Variants in SLC16A10 observed in about 807,000 individuals in gnomAD.
SLC16A10 encodes the protein solute carrier family 16 member 10, also known as monocarboxylate transporter 10.
A neutral mutation model predicts 40.0 loss-of-function variants in SLC16A10; 27 were observed. The observed-to-expected ratio is 0.67, with a 90% CI of 0.50 to 0.93. SLC16A10 has a LOEUF of 0.93. SLC16A10 is among the 40% of genes least tolerant of loss of function. The probability of loss-of-function intolerance (pLI) is 0.00; values close to 1 mark genes in which losing one functional copy is unlikely to be tolerated. For missense variants in SLC16A10, 529 were observed against 658.2 expected, an observed-to-expected ratio of 0.80 and a Z score of 2.15; for synonymous variants, 213 against 249.8, an observed-to-expected ratio of 0.85 and a Z score of 1.39.
intron 4 of SLC16A10, among the ~76,000 whole-genome samples, chr6:111,217,147 C>A (rs962602263): frequency 6.6e-6 from 1 of 152,254 alleles, no homozygotes; most frequent in Non-Finnish European, 1.5e-5. Flanking sequence ...CTGTTCACAG[C>A]CTGCTGCTGC....
intron 1 of SLC16A10, among the ~76,000 whole-genome samples, chr6:111,093,165 G>T (rs1771014234): frequency 6.6e-6 from 1 of 152,124 alleles, no homozygotes; most frequent in Admixed American, 6.5e-5. Context: ...TTTTGAGATT[G>T]TGCCATTTCA....
intron 1 of SLC16A10, among the ~76,000 whole-genome samples, chr6:111,159,850 G>A (rs2114525715): frequency 6.6e-6 from 1 of 152,204 alleles, no homozygotes; most frequent in Non-Finnish European, 1.5e-5. Context: ...GATGTGTGTG[G>A]TTTTTCATTG....
intron 1 of SLC16A10, among the ~76,000 whole-genome samples, chr6:111,092,851 CCA>C (rs1269105258): frequency 6.6e-6 from 1 of 151,104 alleles, no homozygotes; most frequent in Admixed American, 6.6e-5. Flanking sequence ...ACCAGCCTGG[CCA>C]AGATGGTGAA....
intron 1 of SLC16A10, among the ~76,000 whole-genome samples, chr6:111,149,608 A>C (rs1772138195): frequency 6.6e-6 from 1 of 152,244 alleles, no homozygotes; most frequent in African/African-American, 2.4e-5. Context: ...TATAATAAAG[A>C]GTAGCATTCC....
intron 1 of SLC16A10, among the ~76,000 whole-genome samples, chr6:111,100,959 C>CCTCT (rs71021825): frequency 6.1e-5 from 5 of 81,488 alleles, no homozygotes; most frequent in African/African-American, 9.5e-5. Context: ...TCTTTCTCTC[C>CCTCT]CTCTCTCTCT....
intron 4 of SLC16A10, among the ~76,000 whole-genome samples, chr6:111,209,883 T>G (rs1356885565): frequency 6.6e-6 from 1 of 151,984 alleles, no homozygotes; most frequent in African/African-American, 2.4e-5. Flanking sequence ...TTTGAACAAA[T>G]GGAAATATAG....
intron 3 of SLC16A10, among the ~76,000 whole-genome samples, chr6:111,183,691 T>C (rs1772844759): frequency 6.6e-6 from 1 of 152,226 alleles, no homozygotes. Context: ...CTCGGAATAA[T>C]TGAGTAACCA....
intron 3 of SLC16A10, among the ~76,000 whole-genome samples, chr6:111,203,903 A>G (rs1007776859): frequency 6.6e-6 from 1 of 152,012 alleles, no homozygotes; most frequent in Non-Finnish European, 1.5e-5. Flanking sequence ...ATAATAAACC[A>G]CTAATAAAGA....
chr6:111,211,393 G>A (rs1583365280), intron 4 of SLC16A10, among the ~76,000 whole-genome samples: 1 of 152,326 alleles, frequency 6.6e-6, no homozygotes, highest in Middle Eastern at 3.4e-3. Context: ...CTTGTCCCAT[G>A]TTGGTCTGCA....
At chr6:111,091,192 T>A (rs1770968915) in intron 1 of SLC16A10, 1 of 152,220 alleles carries the variant, frequency 6.6e-6, no homozygotes, top group Non-Finnish European at 1.5e-5. Flanking sequence ...CTGGGATTTT[T>A]ATTTTAATTA....
chr6:111,207,603 C>T (rs920414998), intron 4 of SLC16A10, among the ~76,000 whole-genome samples: 1 of 152,136 alleles, frequency 6.6e-6, no homozygotes, highest in Non-Finnish European at 1.5e-5. Flanking sequence ...AGTGGAATAA[C>T]GGGTTTGCTA....
intron 1 of SLC16A10, among the ~76,000 whole-genome samples, chr6:111,125,741 C>T (rs1257019266): frequency 6.6e-6 from 1 of 152,068 alleles, no homozygotes; most frequent in East Asian, 1.9e-4. Flanking sequence ...CTGTTTACTG[C>T]CTTAAACCTT....
At chr6:111,156,247 C>T (rs1772267771) in intron 1 of SLC16A10, among the ~76,000 whole-genome samples, 1 of 152,168 alleles carries the variant, frequency 6.6e-6, no homozygotes, top group Non-Finnish European at 1.5e-5. Flanking sequence ...TAGGTAAATA[C>T]TTCACTGTCA....
intron 1 of SLC16A10, among the ~76,000 whole-genome samples, chr6:111,149,453 T>A (rs1772135475): frequency 6.6e-6 from 1 of 152,226 alleles, no homozygotes; most frequent in African/African-American, 2.4e-5. Flanking sequence ...TCATAATGGA[T>A]CATATGATTT....
intron 1 of SLC16A10, among the ~76,000 whole-genome samples, chr6:111,124,468 C>T (rs561702435): frequency 1.3e-5 from 2 of 151,978 alleles, no homozygotes; most frequent in South Asian, 4.2e-4. Context: ...CTCAAGTGAC[C>T]CTCCCACCTC....
Position 111,230,378 on chromosome 6 carries a change from C to A in SLC16A10, c.*8143C>A, listed in dbSNP as rs1285725988. 2 of 152,160 alleles carry A rather than the reference C, an allele frequency of 1.3e-5. No individual in the cohort carries two copies. The highest frequency in any genetic ancestry group is 4.8e-5 in the African/African-American group (2 of 41,432). 9.4% of individuals were successfully genotyped at this position (152,160 alleles called of 1,614,324 possible). On this transcript the variant is annotated 3_prime_UTR_variant, in exon 6 of 6. Coordinates refer to ENST00000368851, the MANE Select transcript of SLC16A10 (RefSeq NM_018593.5). The stretch of plus-strand genomic sequence containing the variant: ...GTAAATTAAGAAGACAATACACACT[C>A]TCATTTTCCTAATTAGAAAGACTAT...
intron 1 of SLC16A10, among the ~76,000 whole-genome samples, chr6:111,100,986 C>CTATATATA (rs1210419070): frequency 1.1e-5 from 1 of 89,364 alleles, no homozygotes; most frequent in Non-Finnish European, 2.2e-5. Flanking sequence ...CTCTCTCTCT[C>CTATATATA]TCTCTCTATA....
intron 1 of SLC16A10, among the ~76,000 whole-genome samples, chr6:111,151,930 C>T (rs1041358366): frequency 1.3e-5 from 2 of 152,104 alleles, no homozygotes; most frequent in Non-Finnish European, 2.9e-5. Context: ...TCCCACAACA[C>T]ACAGTACACA....
chr6:111,190,747 TA>T (rs1241200606), intron 3 of SLC16A10, among the ~76,000 whole-genome samples: 2 of 152,226 alleles, frequency 1.3e-5, no homozygotes, highest in African/African-American at 2.4e-5. Flanking sequence ...CTGGTGCAGC[TA>T]GGATACAGTA....
Sources: allele counts gnomAD v4.1 joint callset (sites outside exome capture counted in the v4.1 genomes callset), GRCh38; gene constraint gnomAD v4.1.1; transcripts MANE v1.5; gene names NCBI Gene and HGNC (gene_info 2026-07-23, HGNC 2026-07-21).